CRYBG1: variants seen among roughly 807,000 people sequenced by gnomAD.
CRYBG1 encodes crystallin beta-gamma domain containing 1.
In CRYBG1, 139 loss-of-function variants were observed where a neutral mutation model predicts 189.2. The observed-to-expected ratio is 0.73, with a 90% CI of 0.64 to 0.85. CRYBG1 has a LOEUF of 0.85. Ranked by LOEUF, CRYBG1 falls within the 40% of genes least tolerant of loss-of-function variation. The pLI, the probability that CRYBG1 is intolerant of heterozygous loss-of-function variation, is 0.00. For synonymous variants in CRYBG1, 1,023 were observed against 1,017.1 expected, an observed-to-expected ratio of 1.01 and a Z score of -0.11; for missense variants, 2,611 against 2,675.8, an observed-to-expected ratio of 0.98 and a Z score of 0.53.
chr6:106,498,845 G>A (rs549475765), intron 2 of CRYBG1, among the ~76,000 whole-genome samples: 1 of 151,966 alleles, frequency 6.6e-6, no homozygotes, highest in South Asian at 2.1e-4. Context: ...CTGCACTCCA[G>A]CCTGGGCAAA....
At chr6:106,551,734 T>A (rs1774409144) in intron 13 of CRYBG1, 118 bp from the exon 14 acceptor site, 1 of 1,185,106 alleles carries the variant, frequency 8.4e-7, no homozygotes, top group Non-Finnish European at 1.2e-6. Context: ...ATCAGAAAAA[T>A]TAAAATTTCA....
At chr6:106,426,999 G>A (rs1771239141) in intron 1 of CRYBG1, among the ~76,000 whole-genome samples, 1 of 152,068 alleles carries the variant, frequency 6.6e-6, no homozygotes, top group Non-Finnish European at 1.5e-5. Flanking sequence ...GGTGTCCTAT[G>A]ACACTAGGCC....
chr6:106,548,793 G>C (rs111614435), intron 13 of CRYBG1, among the ~76,000 whole-genome samples: 3,574 of 151,538 alleles, frequency 0.024, 139 homozygotes, highest in African/African-American at 0.083. Flanking sequence ...TGCACAACGT[G>C]CAGGTTAGTT....
chr6:106,448,772 G>A (rs1771720105), intron 1 of CRYBG1, among the ~76,000 whole-genome samples: 1 of 152,046 alleles, frequency 6.6e-6, no homozygotes, highest in African/African-American at 2.4e-5. Context: ...GCTTCTTCAG[G>A]TGTCTAATTT....
At chr6:106,526,160 T>G (rs1272642806) in intron 6 of CRYBG1, among the ~76,000 whole-genome samples, 1 of 152,220 alleles carries the variant, frequency 6.6e-6, no homozygotes, top group Non-Finnish European at 1.5e-5. Flanking sequence ...GACCTCTGAA[T>G]GTTTATGGAT....
rs1309816516 is a variant in CRYBG1 at position 106,521,161 on chromosome 6, G to T, written c.3953G>T (p.Ser1318Ile). Residue 1318 changes from serine to isoleucine, a missense_variant, in exon 4 of 22, where the codon AGT (serine) becomes ATT (isoleucine). Physicochemically the swap from Ser to Ile is moderately radical, Grantham distance 142. Around this residue, in one of 3 missense-constraint regions of CRYBG1, gnomAD observed 1,622 missense variants for 1,735.0 expected, o/e 0.93. Coordinates refer to ENST00000633556, the MANE Select transcript of CRYBG1 (RefSeq NM_001371242.2). ...SLKVFNFNSS[S>I]TSHSSLKSPS... ...AAGGTCTTCAATTTCAACTCGTCAA[G>T]TACATCACACTCCAGTTTGAAAAGT... is the stretch of plus-strand genomic sequence containing the variant. 1.9e-6 allele frequency: 3 copies of T among 1,614,118 alleles called. No individual in the cohort carries two copies. Among genetic ancestry groups the T allele is most frequent in the Non-Finnish European group, 2.5e-6 (3 of 1,180,034 alleles).
At chr6:106,474,469 A>T (rs1562316884) in intron 2 of CRYBG1, among the ~76,000 whole-genome samples, 1 of 152,224 alleles carries the variant, frequency 6.6e-6, no homozygotes, top group East Asian at 1.9e-4. Context: ...TAAAGGCTTA[A>T]TTGATTTTTT....
chr6:106,441,318 C>A (rs780293539), intron 1 of CRYBG1, among the ~76,000 whole-genome samples: 40 of 152,244 alleles, frequency 2.6e-4, no homozygotes, highest in Non-Finnish European at 5.3e-4. Flanking sequence ...AGCATCTTTG[C>A]AAGGACAACT....
At chr6:106,456,566 C>T (rs1256354437) in intron 2 of CRYBG1, among the ~76,000 whole-genome samples, 1 of 152,170 alleles carries the variant, frequency 6.6e-6, no homozygotes, top group Admixed American at 6.5e-5. Context: ...CAGAGCAATT[C>T]AGTTCAACAA....
chr6:106,433,805 A>G (rs1262819987), intron 1 of CRYBG1, among the ~76,000 whole-genome samples: 5 of 146,124 alleles, frequency 3.4e-5, no homozygotes, highest in Admixed American at 6.9e-5. Context: ...ACACATACAT[A>G]TACATACATA....
At chr6:106,361,969 C>CTTTTT (rs200251504) in intron 1 of CRYBG1, among the ~76,000 whole-genome samples, 1 of 112,352 alleles carries the variant, frequency 8.9e-6, no homozygotes, top group Non-Finnish European at 1.8e-5. Flanking sequence ...TTCTTTCTTT[C>CTTTTT]TTTTTTTTTT....
chr6:106,547,739 T>TA (rs1161196281), intron 13 of CRYBG1, among the ~76,000 whole-genome samples: 1 of 152,204 alleles, frequency 6.6e-6, no homozygotes, highest in African/African-American at 2.4e-5. Flanking sequence ...ATCACATGGG[T>TA]AATACATCCC....
intron 1 of CRYBG1, among the ~76,000 whole-genome samples, chr6:106,416,355 C>T (rs758391320): frequency 3.3e-5 from 5 of 152,224 alleles, no homozygotes; most frequent in Non-Finnish European, 7.3e-5. Context: ...ACTTGGTTTA[C>T]AGCAGCAGGG....
intron 1 of CRYBG1, among the ~76,000 whole-genome samples, chr6:106,428,747 A>T (rs1479208499): frequency 6.6e-6 from 1 of 152,286 alleles, no homozygotes; most frequent in South Asian, 2.1e-4. Flanking sequence ...CACAAAGAAA[A>T]TATTTGGCAT....
At chr6:106,425,718 G>A (rs1225563716) in intron 1 of CRYBG1, among the ~76,000 whole-genome samples, 3 of 152,026 alleles carry the variant, frequency 2.0e-5, no homozygotes, top group Admixed American at 6.5e-5. Flanking sequence ...TGCAACCTCC[G>A]CCTCCCAGGT....
At chr6:106,552,344 G>C (rs958551096) in intron 15 of CRYBG1, 128 bp downstream of exon 15, 1 of 584,890 alleles carries the variant, frequency 1.7e-6, no homozygotes, top group Non-Finnish European at 2.8e-6. Context: ...CCAGCACTTT[G>C]GGAGGTCAAG....
At chr6:106,475,613 A>G (rs551917430) in intron 2 of CRYBG1, among the ~76,000 whole-genome samples, 3 of 152,334 alleles carry the variant, frequency 2.0e-5, no homozygotes, top group African/African-American at 7.2e-5. Flanking sequence ...GTGCGGGTAC[A>G]TAAAAGCAGG....
rs747130222 is a variant in CRYBG1 at position 106,541,626 on chromosome 6, A to G, written c.4881+5A>G. The stretch of plus-strand genomic sequence containing the variant: ...GAATTCCCTACAGATCCAAAGGTAA[A>G]AATATATATGTATTTTTGTATGTAT... On this transcript the variant is annotated splice_donor_5th_base_variant and intron_variant, in intron 10 of 21. Transcript: ENST00000633556. 6.3e-7 allele frequency: 1 copy of G among 1,594,494 alleles called. No homozygotes were observed. The highest frequency in any genetic ancestry group is 8.6e-7 in the Non-Finnish European group (1 of 1,163,300).
At chr6:106,398,018 A>G (rs1328508863) in intron 1 of CRYBG1, among the ~76,000 whole-genome samples, 1 of 152,132 alleles carries the variant, frequency 6.6e-6, no homozygotes, top group Non-Finnish European at 1.5e-5. Flanking sequence ...ACCAAAATAC[A>G]TTAAGTACCA....
Sources: gnomAD v4.1 joint callset for allele counts (sites outside exome capture counted in the v4.1 genomes callset) on GRCh38, gnomAD v4.1.1 for gene constraint, gnomAD v4.1.1 regional missense constraint, MANE v1.5 for transcripts, NCBI Gene and HGNC (gene_info 2026-07-23, HGNC 2026-07-21) for gene names.